Variants in HACL1 observed in about 807,000 individuals in gnomAD.
HACL1 encodes the protein 2-hydroxyacyl-CoA lyase 1, also known as 1600020H07Rik.
HACL1 carries 64 observed loss-of-function variants against 74.2 expected under a neutral mutation model. The ratio of observed to expected loss-of-function variants is 0.86; its 90% CI spans 0.70 to 1.06. The LOEUF is 1.06. Ranked by LOEUF, HACL1 falls within the 50% of genes least tolerant of loss-of-function variation. HACL1 has a pLI of 0.00. For missense variants in HACL1, 728 were observed against 719.7 expected (o/e 1.01, Z -0.13); for synonymous variants, 230 against 238.8 (o/e 0.96, Z 0.34).
Position 15,596,314 on chromosome 3 carries a change from T to A in HACL1, c.227+70A>T, listed in dbSNP as rs1466977766. The stretch of plus-strand genomic sequence containing the variant: ...TAATCTTTCCAAATGAACTCATCCT[T>A]CAGCTGAAAGACGTAATAGTTCTAC... On this transcript the variant is annotated intron_variant, in intron 3 of 16. Transcript: ENST00000321169. 54 of 802,236 alleles carry A rather than the reference T, an allele frequency of 6.7e-5. 1 individual carries two copies. The highest frequency in any genetic ancestry group is 6.7e-4 in the Middle Eastern group (3 of 4,482). 49.7% of individuals were successfully genotyped at this position (802,236 alleles called of 1,614,324 possible).
At position 15,563,498 on chromosome 3, in the gene HACL1, T is replaced by C. The variant is rs2063381248; in HGVS notation, c.1564A>G (p.Met522Val). Residue 522 changes from methionine (M) to valine (V), a missense_variant, in exon 16 of 17, where the codon ATG becomes GTG. Coordinates refer to ENST00000321169, the MANE Select transcript of HACL1 (RefSeq NM_012260.4). Reference protein sequence around the residue: ...LLPNSHYEQVMTAFGGKGYFV... With the variant: ...LLPNSHYEQVVTAFGGKGYFV... Reference sequence around the variant, plus strand: ...TACCCTTTGCCTCCAAATGCAGTCATGACTTGCTCATAATGTGAATTTGGC... The same window carrying C: ...TACCCTTTGCCTCCAAATGCAGTCACGACTTGCTCATAATGTGAATTTGGC... The C allele has an allele frequency of 6.2e-7, 1 of 1,612,670 alleles. No individual in the cohort carries two copies. The highest frequency in any genetic ancestry group is 1.7e-5 in the Admixed American group (1 of 60,006).
chr3:15,571,829 C>CTTTTTTTT lies in HACL1; in HGVS notation c.994-68_994-61dup, dbSNP rs869072841. The CTTTTTTTT allele has an allele frequency of 2.6e-3, 584 of 225,932 alleles. 1 individual carries two copies. Among genetic ancestry groups the CTTTTTTTT allele is most frequent in the African/African-American group, 3.9e-3 (83 of 21,268 alleles). The allele number at this position is 225,932 out of a possible 1,614,324, so 14.0% of individuals were successfully genotyped here. A position where few individuals can be genotyped will look rare whatever the true frequency, so the allele number is the denominator to read the frequency against. On this transcript the variant is annotated intron_variant, in intron 11 of 16. Transcript: ENST00000321169. The stretch of plus-strand genomic sequence containing the variant: ...TAAACTTTTTCTTTGCCTTTTTTTT[C>CTTTTTTTT]TTTTTTTTTTTTTTTTTTTTTTTTT...
chr3:15,589,626 T>A lies in HACL1; in HGVS notation c.309-14A>T, dbSNP rs1224220712. On this transcript the variant is annotated splice_polypyrimidine_tract_variant and intron_variant, in intron 4 of 16. Coordinates refer to ENST00000321169, the MANE Select transcript of HACL1 (RefSeq NM_012260.4). ...ACAAGCAAGGGCCTGAAACAATCAT[T>A]TTTTTAACAAGATAATTACAAATTA... is the stretch of plus-strand genomic sequence containing the variant. The A allele has an allele frequency of 6.5e-7, 1 of 1,546,424 alleles. No homozygotes were observed. Among genetic ancestry groups the A allele is most frequent in the Admixed American group, 1.7e-5 (1 of 58,504 alleles).
At chr3:15,600,852 G>C (rs2064204968) in intron 2 of HACL1, 1 of 587,054 alleles carries the variant, frequency 1.7e-6, no homozygotes, top group South Asian at 2.0e-5. Context: ...AGAATACGTG[G>C]GTTCAAACCC....
rs760708513 is a variant in HACL1, at chr3:15,591,667, G to A, written c.241C>T (p.Leu81Phe). The A allele has an allele frequency of 6.2e-7, 1 of 1,610,474 alleles. No individual in the cohort carries two copies. Among genetic ancestry groups the A allele is most frequent in the East Asian group, 2.2e-5 (1 of 44,822 alleles). The change falls in exon 4 of 17, where the codon CTT becomes TTT. Residue 81 changes from leucine (L) to phenylalanine (F), a missense_variant. By Grantham distance (22) the Leu-to-Phe change is conservative. Transcript: ENST00000321169. ...GYLTSRPGVC[L>F]VVSGPGLIHA... ...ATGAGACCTGGGCCAGAAACAACAA[G>A]GCAGACTCCTGGCCTAAAAGCAAAA...
chr3:15,592,448 A>ACACACACACG (rs1553644896), intron 3 of HACL1, among the ~76,000 whole-genome samples: 2 of 134,926 alleles, frequency 1.5e-5, no homozygotes, highest in African/African-American at 6.2e-5. Flanking sequence ...ACACGTATAC[A>ACACACACACG]TACACACACG....
At chr3:15,593,884 G>A (rs987433104) in intron 3 of HACL1, among the ~76,000 whole-genome samples, 6 of 138,270 alleles carry the variant, frequency 4.3e-5, no homozygotes, top group African/African-American at 1.4e-4. Context: ...TGCAACCTCC[G>A]CCTCCCGGAT....
At chr3:15,592,630 G>A (rs1410887727) in intron 3 of HACL1, among the ~76,000 whole-genome samples, 2 of 31,672 alleles carry the variant, frequency 6.3e-5, no homozygotes, top group African/African-American at 2.8e-4. Context: ...ACACATGTAC[G>A]CACATGTGTG....
chr3:15,580,946 G>A (rs1450918069), intron 8 of HACL1, among the ~76,000 whole-genome samples: 2 of 152,242 alleles, frequency 1.3e-5, no homozygotes, highest in African/African-American at 2.4e-5. Flanking sequence ...TTGTCACCCA[G>A]GCTGGAGCGC....
chr3:15,568,363 G>T, intron 13 of HACL1, 69 bp downstream of exon 13: 3 of 919,268 alleles, frequency 3.3e-6, no homozygotes, highest in Non-Finnish European at 5.1e-6. Context: ...TTCTTAATCT[G>T]CACTATTACA....
Position 15,601,146 on chromosome 3 carries a change from C to A in HACL1, c.130G>T (p.Ala44Ser). Reference protein sequence around the residue: ...GIVGIPVTEIAIAAQQLGIKY... With the variant: ...GIVGIPVTEISIAAQQLGIKY... ...ATGCCTAGCTGCTGGGCAGCAATGG[C>A]GATTTCGGTCACTGGGATGCCTACG... Residue 44 changes from alanine (A) to serine (S), a missense_variant, in exon 2 of 17, where the codon GCC (alanine) becomes TCC (serine). Physicochemically the swap from Ala to Ser is moderately conservative, Grantham distance 99. Transcript: ENST00000321169. 3 of 1,613,954 alleles carry A rather than the reference C, an allele frequency of 1.9e-6. No individual in the cohort carries two copies. Among genetic ancestry groups the A allele is most frequent in the Non-Finnish European group, 2.5e-6 (3 of 1,179,806 alleles).
chr3:15,592,105 A>G (rs148418487), intron 3 of HACL1, among the ~76,000 whole-genome samples: 1,996 of 144,568 alleles, frequency 0.014, 30 homozygotes, highest in Middle Eastern at 0.057. Flanking sequence ...CTATATACGT[A>G]TATATACACA....
intron 8 of HACL1, among the ~76,000 whole-genome samples, chr3:15,582,140 T>C (rs984864294): frequency 3.3e-5 from 5 of 152,190 alleles, no homozygotes; most frequent in Admixed American, 6.5e-5. Flanking sequence ...AGCATGGTCA[T>C]AGGTGATCCC....
At chr3:15,571,147 C>CCT (rs2063521071) in intron 12 of HACL1, among the ~76,000 whole-genome samples, 1 of 145,016 alleles carries the variant, frequency 6.9e-6, no homozygotes, top group Admixed American at 6.9e-5. Flanking sequence ...TCTGGCTTTT[C>CCT]TTTTTTTTTT....
In HACL1 at chr3:15,575,096, T is replaced by C; in HGVS notation, c.804-14A>G. 7.9e-7 allele frequency: 1 copy of C among 1,271,418 alleles called. No homozygotes were observed. The highest frequency in any genetic ancestry group is 1.1e-6 in the Non-Finnish European group (1 of 871,414). The allele number at this position is 1,271,418 out of a possible 1,614,324, so 78.8% of individuals were successfully genotyped here. A position where few individuals can be genotyped will look rare whatever the true frequency, so the allele number is the denominator to read the frequency against. ...AATTGCAAAGCCCTATTAAAAAAAT[T>C]GATATGAAAGTATAACTACATTTCT... On this transcript the variant is annotated splice_polypyrimidine_tract_variant and intron_variant, in intron 9 of 16. Coordinates refer to ENST00000321169, the MANE Select transcript of HACL1 (RefSeq NM_012260.4).
In HACL1 at chr3:15,585,331, G is replaced by A. The variant is rs770127283; in HGVS notation, c.471C>T (p.Ser157=). 6.3e-7 allele frequency: 1 copy of A among 1,577,554 alleles called. No homozygotes were observed. The highest frequency in any genetic ancestry group is 8.7e-7 in the Non-Finnish European group (1 of 1,147,072). The stretch of plus-strand genomic sequence containing the variant: ...AAGCACCTGGACGACCATAGATACT[G>A]CTTCTCACTGCCTACGTTCATTACA... ...IPFVIEKAVR[S]SIYGRPGACY... is the part of the protein sequence containing the mutation. Residue 157 remains serine, a synonymous_variant, in exon 7 of 17, where the codon AGC becomes AGT. Coordinates refer to ENST00000321169, the MANE Select transcript of HACL1 (RefSeq NM_012260.4).
Position 15,583,005 on chromosome 3 carries a change from C to G in HACL1, c.555-16G>C. 1.5e-6 allele frequency: 2 copies of G among 1,310,712 alleles called. No homozygotes were observed. Among genetic ancestry groups the G allele is most frequent in the Admixed American group, 1.9e-5 (1 of 51,314 alleles). The allele number at this position is 1,310,712 out of a possible 1,614,324, so 81.2% of individuals were successfully genotyped here. A position where few individuals can be genotyped will look rare whatever the true frequency, so the allele number is the denominator to read the frequency against. On this transcript the variant is annotated splice_polypyrimidine_tract_variant and intron_variant, in intron 7 of 16. Coordinates refer to ENST00000321169, the MANE Select transcript of HACL1 (RefSeq NM_012260.4). The stretch of plus-strand genomic sequence containing the variant: ...TTCCATGTACCTGGAAAAAAAGAGC[C>G]CTATTAATTAAAAGAGGCCAACTAT...
intron 8 of HACL1, among the ~76,000 whole-genome samples, chr3:15,582,034 C>T (rs1429709875): frequency 6.6e-6 from 1 of 152,208 alleles, no homozygotes; most frequent in Non-Finnish European, 1.5e-5. Context: ...TCATACAACA[C>T]ATTCCACTCA....
chr3:15,563,558 T>A lies in HACL1; in HGVS notation c.1518-14A>T. ...ATTGGAGGGACCCTGAAAAACAAGG[T>A]CATGAGTCAATGAAATTTAAATCTT... On this transcript the variant is annotated splice_polypyrimidine_tract_variant and intron_variant, in intron 15 of 16. Coordinates refer to ENST00000321169, the MANE Select transcript of HACL1 (RefSeq NM_012260.4). 2 of 1,532,526 alleles carry A rather than the reference T, an allele frequency of 1.3e-6. No individual in the cohort carries two copies. The highest frequency in any genetic ancestry group is 1.8e-6 in the Non-Finnish European group (2 of 1,118,316). The allele number at this position is 1,532,526 out of a possible 1,614,324, so 94.9% of individuals were successfully genotyped here.
Sources: gnomAD v4.1 joint callset for allele counts (sites outside exome capture counted in the v4.1 genomes callset) on GRCh38, gnomAD v4.1.1 for gene constraint, MANE v1.5 for transcripts, NCBI Gene and HGNC (gene_info 2026-07-23, HGNC 2026-07-21) for gene names.